The following RHOBTB3 variants were observed in gnomAD, a reference collection of about 807,000 sequenced individuals.
RHOBTB3 encodes rho-related BTB domain-containing protein 3.
RHOBTB3 carries 47 observed loss-of-function variants against 67.2 expected under a neutral mutation model. The observed-to-expected ratio is 0.70, with a 90% CI of 0.55 to 0.89. RHOBTB3 has a LOEUF of 0.89. Ranked by LOEUF, RHOBTB3 falls within the 40% of genes least tolerant of loss-of-function variation. The pLI is 0.00. For synonymous variants in RHOBTB3, 273 were observed against 274.2 expected (o/e 1.00, Z 0.04); for missense variants, 631 against 750.0 (o/e 0.84, Z 1.85).
At chr5:95,719,411 C>T (rs540857297) in intron 1 of RHOBTB3, among the ~76,000 whole-genome samples, 1 of 152,246 alleles carries the variant, frequency 6.6e-6, no homozygotes, top group South Asian at 2.1e-4. Flanking sequence ...GATGGGTAAA[C>T]CTAGATGGCC....
At chr5:95,769,286 C>G in intron 8 of RHOBTB3, 2 of 439,930 alleles carry the variant, frequency 4.5e-6, no homozygotes, top group Non-Finnish European at 9.0e-6. Context: ...AAGCTTGTTG[C>G]CAGTAACACT....
chr5:95,763,316 T>G (rs945082912), intron 6 of RHOBTB3, among the ~76,000 whole-genome samples, 192 bp from the exon 7 acceptor site: 43 of 152,158 alleles, frequency 2.8e-4, no homozygotes, highest in Non-Finnish European at 6.2e-4. Context: ...TGAGAAATAA[T>G]TTAGGGGAAG....
At chr5:95,735,970 T>C (rs1443236693) in intron 2 of RHOBTB3, among the ~76,000 whole-genome samples, 1 of 152,064 alleles carries the variant, frequency 6.6e-6, no homozygotes, top group Non-Finnish European at 1.5e-5. Flanking sequence ...GGAATGGTGG[T>C]ACACACCTGT....
At chr5:95,725,149 C>A (rs867680123) in intron 1 of RHOBTB3, among the ~76,000 whole-genome samples, 1 of 152,142 alleles carries the variant, frequency 6.6e-6, no homozygotes, top group Admixed American at 6.5e-5. Context: ...GAATAGCCCA[C>A]GAGTGTATCT....
chr5:95,757,844 T>G (rs1490744338), intron 6 of RHOBTB3, among the ~76,000 whole-genome samples: 1 of 152,238 alleles, frequency 6.6e-6, no homozygotes, highest in African/African-American at 2.4e-5. Flanking sequence ...CCGGGCATCA[T>G]CATATCAGTA....
chr5:95,736,246 A>T (rs1440222561), intron 2 of RHOBTB3, among the ~76,000 whole-genome samples: 1 of 152,250 alleles, frequency 6.6e-6, no homozygotes, highest in South Asian at 2.1e-4. Flanking sequence ...TGTAGGCAAA[A>T]TACGTGAATT....
chr5:95,776,370 TTACTC>T (rs1254326059), intron 8 of RHOBTB3, among the ~76,000 whole-genome samples: 5 of 151,608 alleles, frequency 3.3e-5, no homozygotes, highest in South Asian at 4.2e-4. Flanking sequence ...TCATACCACT[TTACTC>T]TAGCCGGAAG....
chr5:95,718,141 C>A (rs968592678), intron 1 of RHOBTB3, among the ~76,000 whole-genome samples: 3 of 152,084 alleles, frequency 2.0e-5, no homozygotes, highest in African/African-American at 7.2e-5. Flanking sequence ...TAAACCTGAA[C>A]TAAAAGATAC....
chr5:95,721,999 G>A (rs1754898387), intron 1 of RHOBTB3, among the ~76,000 whole-genome samples: 1 of 152,194 alleles, frequency 6.6e-6, no homozygotes, highest in Non-Finnish European at 1.5e-5. Context: ...CAGGATTATA[G>A]AGTGAGAAGT....
chr5:95,762,304 T>A (rs1367674058), intron 6 of RHOBTB3, among the ~76,000 whole-genome samples: 2 of 152,246 alleles, frequency 1.3e-5, no homozygotes, highest in African/African-American at 4.8e-5. Context: ...GCCTGAGAGC[T>A]TCTGGACTTG....
rs182776126 is a variant in RHOBTB3, at chr5:95,771,789, T to C, written c.1282+3623T>C. On this transcript the variant is annotated intron_variant, in intron 8 of 11. Coordinates refer to ENST00000379982, the MANE Select transcript of RHOBTB3 (RefSeq NM_014899.4). ...AAAACTGTCTGTTGATGAAGACATT[T>C]ACTAAAAGTGTTTGGTACGCTCTAT... is the stretch of plus-strand genomic sequence containing the variant. Among the ~76,000 whole-genome samples, 570 of 152,350 alleles carry C rather than the reference T, an allele frequency of 3.7e-3. 5 individuals carry two copies. The highest frequency in any genetic ancestry group is 4.5e-3 in the Non-Finnish European group (309 of 68,034).
intron 6 of RHOBTB3, among the ~76,000 whole-genome samples, chr5:95,761,408 T>G (rs890670032): frequency 4.7e-5 from 7 of 149,672 alleles, no homozygotes; most frequent in African/African-American, 1.7e-4. Flanking sequence ...AGTGGCATGA[T>G]CATGGCTCAC....
chr5:95,731,560 G>A lies in RHOBTB3; in HGVS notation c.-123G>A, dbSNP rs1198459476. 1.4e-6 allele frequency: 2 copies of A among 1,472,922 alleles called. No individual in the cohort carries two copies. Among genetic ancestry groups the A allele is most frequent in the East Asian group, 5.6e-5 (2 of 36,000 alleles). 91.2% of individuals were successfully genotyped at this position (1,472,922 alleles called of 1,614,324 possible). On this transcript the variant is annotated 5_prime_UTR_variant, in exon 1 of 12. Transcript: ENST00000379982. Reference sequence around the variant, plus strand: ...CTGCGTCGGCCCCGCCGCGGTGGAGGCGCGCGAGGGGGACGCGGCCGGGGA... The same window carrying A: ...CTGCGTCGGCCCCGCCGCGGTGGAGACGCGCGAGGGGGACGCGGCCGGGGA...
At chr5:95,731,166 G>A (rs1276912775), upstream of RHOBTB3, 7 of 1,010,048 alleles carry the variant, frequency 6.9e-6, no homozygotes, top group Non-Finnish European at 8.3e-6. Context: ...GCTCCTTTGT[G>A]TCCAGCCGCC....
chr5:95,745,899 G>A (rs1744897836), intron 3 of RHOBTB3, among the ~76,000 whole-genome samples: 1 of 151,992 alleles, frequency 6.6e-6, no homozygotes, highest in Non-Finnish European at 1.5e-5. Context: ...TCATATAGCT[G>A]ACTGATATTG....
In RHOBTB3 at chr5:95,731,454, A is replaced by C; in HGVS notation, c.-229A>C. 8.2e-7 allele frequency: 1 copy of C among 1,212,810 alleles called. No individual in the cohort carries two copies. Among genetic ancestry groups the C allele is most frequent in the Non-Finnish European group, 1.0e-6 (1 of 979,154 alleles). The allele number at this position is 1,212,810 out of a possible 1,614,324, so 75.1% of individuals were successfully genotyped here. A position where few individuals can be genotyped will look rare whatever the true frequency, so the allele number is the denominator to read the frequency against. ...CGGCGATGTTCCCGGGCACTCCCTG[A>C]GTAGCGGCAGCTTATCCCCCGCCCG... On this transcript the variant is annotated 5_prime_UTR_variant, in exon 1 of 12. The change abolishes the stop of an existing upstream ORF in the 5' untranslated region. Transcript: ENST00000379982.
chr5:95,768,021 C>T (rs887499733), intron 7 of RHOBTB3, 25 bp from the exon 8 acceptor site: 5 of 1,608,350 alleles, frequency 3.1e-6, no homozygotes, highest in East Asian at 4.5e-5. Context: ...ACAACCTTTC[C>T]CTGTATTTTT....
intron 8 of RHOBTB3, among the ~76,000 whole-genome samples, chr5:95,774,919 ACT>A (rs1460364265): frequency 6.6e-6 from 1 of 151,994 alleles, no homozygotes; most frequent in Non-Finnish European, 1.5e-5. Context: ...GATAGCATTG[ACT>A]CTGGCAGCAA....
intron 3 of RHOBTB3, among the ~76,000 whole-genome samples, chr5:95,741,383 C>T (rs116239091): frequency 0.034 from 5,178 of 151,144 alleles, 140 homozygotes; most frequent in Non-Finnish European, 0.049. Context: ...TTCATTTCCC[C>T]GGTTGTTTCC....
Sources: allele counts gnomAD v4.1 joint callset (sites outside exome capture counted in the v4.1 genomes callset), GRCh38; gene constraint gnomAD v4.1.1; transcripts MANE v1.5; gene names NCBI Gene and HGNC (gene_info 2026-07-23, HGNC 2026-07-21).